The following AMPH variants were observed in gnomAD, a reference collection of about 807,000 sequenced individuals.
AMPH encodes amphiphysin, also known as amphiphysin (Stiff-Mann syndrome with breast cancer 128kD autoantigen).
Under a neutral mutation model 99.1 loss-of-function variants are expected in AMPH, and 49 were observed. The observed-to-expected ratio is 0.49, with a 90% CI of 0.39 to 0.63. The LOEUF is 0.63. Ranked by LOEUF, AMPH falls within the 20% of genes least tolerant of loss-of-function variation. The pLI is 0.00. For missense variants in AMPH, 759 were observed against 863.4 expected (o/e 0.88, Z 1.52); for synonymous variants, 314 against 317.3 (o/e 0.99, Z 0.11).
intron 17 of AMPH, among the ~76,000 whole-genome samples, chr7:38,401,321 T>A (rs953031833): frequency 6.6e-6 from 1 of 152,220 alleles, no homozygotes; most frequent in African/African-American, 2.4e-5. Context: ...TTTTAAAAAA[T>A]TTCAAAAACA....
chr7:38,396,699 A>T (rs1784680550), intron 17 of AMPH, among the ~76,000 whole-genome samples: 1 of 152,234 alleles, frequency 6.6e-6, no homozygotes. Flanking sequence ...ATAGACTTTC[A>T]TCACTGTTTT....
intron 15 of AMPH, 135 bp from the exon 16 acceptor site, chr7:38,422,612 A>G: frequency 1.5e-6 from 1 of 685,256 alleles, no homozygotes; most frequent in Non-Finnish European, 2.4e-6. Context: ...CCATCTATCT[A>G]TCGACACTCT....
chr7:38,542,002 C>T (rs1378940079), intron 1 of AMPH, among the ~76,000 whole-genome samples: 1 of 152,192 alleles, frequency 6.6e-6, no homozygotes, highest in Non-Finnish European at 1.5e-5. Context: ...CTCTTCTCTC[C>T]TTCCTAACCC....
At chr7:38,534,045 T>A (rs1447970051) in intron 2 of AMPH, among the ~76,000 whole-genome samples, 1 of 152,234 alleles carries the variant, frequency 6.6e-6, no homozygotes, top group Non-Finnish European at 1.5e-5. Context: ...AACCTCTTTT[T>A]CATTGTCATC....
intron 1 of AMPH, among the ~76,000 whole-genome samples, 197 bp from the exon 2 acceptor site, chr7:38,535,208 A>T (rs1056842680): frequency 1.5e-4 from 22 of 151,454 alleles, no homozygotes; most frequent in South Asian, 8.3e-4. Context: ...ACTGAATCCC[A>T]GTCCCGCCCC....
At chr7:38,494,592 C>A (rs1279457305) in intron 3 of AMPH, 65 bp from the exon 4 acceptor site, 1 of 1,435,986 alleles carries the variant, frequency 7.0e-7, no homozygotes, top group Admixed American at 1.7e-5. Context: ...CTCCCTTCCT[C>A]CACTTTCTTA....
At chr7:38,577,718 AAAG>A (rs1321855722) in intron 1 of AMPH, among the ~76,000 whole-genome samples, 1 of 151,744 alleles carries the variant, frequency 6.6e-6, no homozygotes, top group Non-Finnish European at 1.5e-5. Context: ...GGAAAGGAGA[AAAG>A]AAGGAAGGGC....
intron 17 of AMPH, among the ~76,000 whole-genome samples, chr7:38,412,716 A>G (rs1785249214): frequency 6.6e-6 from 1 of 152,222 alleles, no homozygotes. Flanking sequence ...ATTTGGATGT[A>G]TCATGTTTGT....
At chr7:38,560,409 A>T (rs560607267) in intron 1 of AMPH, among the ~76,000 whole-genome samples, 3 of 152,300 alleles carry the variant, frequency 2.0e-5, no homozygotes, top group East Asian at 1.9e-4. Flanking sequence ...GACAGCCCAG[A>T]CCAGGAGAAT....
chr7:38,562,402 G>T (rs1235545322), intron 1 of AMPH, among the ~76,000 whole-genome samples: 2 of 152,146 alleles, frequency 1.3e-5, no homozygotes, highest in African/African-American at 4.8e-5. Context: ...TTAAATTGGG[G>T]TGATGTCGTT....
At chr7:38,430,350 G>T (rs1339287116) in intron 13 of AMPH, among the ~76,000 whole-genome samples, 7 of 152,194 alleles carry the variant, frequency 4.6e-5, no homozygotes, top group Admixed American at 4.6e-4. Context: ...CAGTCTGACT[G>T]CCTGCAGAGT....
chr7:38,563,886 T>G (rs543969338), intron 1 of AMPH, among the ~76,000 whole-genome samples: 170 of 152,316 alleles, frequency 1.1e-3, no homozygotes, highest in African/African-American at 3.9e-3. Flanking sequence ...GAATCATGTT[T>G]TCCTTCAAAT....
intron 12 of AMPH, among the ~76,000 whole-genome samples, chr7:38,433,023 C>T (rs1008463377): frequency 6.6e-6 from 1 of 152,342 alleles, no homozygotes; most frequent in South Asian, 2.1e-4. Context: ...GCTAAAGCCA[C>T]ATCCGATTAT....
At chr7:38,589,515 C>T (rs1792778063) in intron 1 of AMPH, among the ~76,000 whole-genome samples, 1 of 152,148 alleles carries the variant, frequency 6.6e-6, no homozygotes, top group Non-Finnish European at 1.5e-5. Flanking sequence ...CAGACTGTGT[C>T]AACCTACCCC....
At chr7:38,428,886 G>C in intron 14 of AMPH, 1 of 686,948 alleles carries the variant, frequency 1.5e-6, no homozygotes, top group Non-Finnish European at 2.3e-6. Flanking sequence ...CTTATACCCT[G>C]CTCTTAGATC....
At chr7:38,619,017 G>A (rs1793965401) in intron 1 of AMPH, among the ~76,000 whole-genome samples, 1 of 152,102 alleles carries the variant, frequency 6.6e-6, no homozygotes, top group East Asian at 1.9e-4. Context: ...TAAGTTGAAA[G>A]TATAAGGATG....
At chr7:38,496,172 A>G (rs1788925982) in intron 3 of AMPH, among the ~76,000 whole-genome samples, 2 of 152,204 alleles carry the variant, frequency 1.3e-5, no homozygotes, top group Non-Finnish European at 2.9e-5. Flanking sequence ...CCTAAGATAA[A>G]AATCATTTGT....
At chr7:38,514,146 TGCC>T (rs1789646913) in intron 2 of AMPH, among the ~76,000 whole-genome samples, 1 of 152,236 alleles carries the variant, frequency 6.6e-6, no homozygotes, top group Non-Finnish European at 1.5e-5. Flanking sequence ...ATTTATTGTC[TGCC>T]TCCCTGTTTT....
At chr7:38,490,912 CCA>C in intron 5 of AMPH, 136 bp downstream of exon 5, 1 of 570,070 alleles carries the variant, frequency 1.8e-6, no homozygotes, top group Middle Eastern at 2.8e-4. Context: ...CATAAAAATC[CCA>C]CGCTTAAATA....
Sources: allele counts gnomAD v4.1 joint callset (sites outside exome capture counted in the v4.1 genomes callset), GRCh38; gene constraint gnomAD v4.1.1; transcripts MANE v1.5; gene names NCBI Gene and HGNC (gene_info 2026-07-23, HGNC 2026-07-21).